TRAK1: variants seen among roughly 807,000 people sequenced by gnomAD.
TRAK1 encodes trafficking kinesin-binding protein 1.
A neutral mutation model predicts 92.1 loss-of-function variants in TRAK1; 33 were observed. The observed-to-expected ratio is 0.36, with a 90% confidence interval of 0.27 to 0.48. The LOEUF (loss-of-function observed/expected upper bound fraction) is 0.48. TRAK1 is among the 20% of genes least tolerant of loss of function. The pLI is 0.99. For missense variants in TRAK1, 1,123 were observed against 1,257.9 expected, an observed-to-expected ratio of 0.89 and a Z score of 1.62; for synonymous variants, 521 against 517.3, an observed-to-expected ratio of 1.01 and a Z score of -0.10.
At chr3:42,173,154 G>GA (rs762162189) in intron 2 of TRAK1, among the ~76,000 whole-genome samples, 3 of 151,292 alleles carry the variant, frequency 2.0e-5, no homozygotes, top group Non-Finnish European at 3.0e-5. Context: ...TCTAACAAAA[G>GA]AAAAAAAAAT....
intron 1 of TRAK1, among the ~76,000 whole-genome samples, chr3:42,067,273 TAC>T (rs755715211): frequency 6.6e-6 from 1 of 152,250 alleles, no homozygotes; most frequent in Non-Finnish European, 1.5e-5. Flanking sequence ...TTTTATGTGA[TAC>T]AGTTTGTTCT....
rs9875802 is a variant in TRAK1 at position 42,217,707 on chromosome 3, C to T, written c.1964-1787C>T. 684 of 985,380 alleles carry T rather than the reference C, an allele frequency of 6.9e-4. 2 individuals carry two copies. In the African/African-American group the frequency reaches 0.011, roughly 16 times the overall value. 61.0% of individuals were successfully genotyped at this position (985,380 alleles called of 1,614,324 possible). A position where few individuals can be genotyped will look rare whatever the true frequency, so the allele number is the denominator to read the frequency against. On this transcript the variant is annotated intron_variant, in intron 14 of 15. Coordinates refer to ENST00000327628, the MANE Select transcript of TRAK1 (RefSeq NM_001042646.3). The stretch of plus-strand genomic sequence containing the variant: ...AACTGTGTTGTCTTATTTCTATTTA[C>T]TGCTTTCCCCCTCTCCTCCTTCCCA...
At chr3:42,053,355 C>T (rs1344388523) in intron 1 of TRAK1, among the ~76,000 whole-genome samples, 1 of 114,038 alleles carries the variant, frequency 8.8e-6, no homozygotes, top group Non-Finnish European at 1.7e-5. Flanking sequence ...GAAAAGACTG[C>T]AGTCCCATTC....
chr3:42,216,796 C>T (rs1709745870), intron 14 of TRAK1, among the ~76,000 whole-genome samples: 1 of 152,196 alleles, frequency 6.6e-6, no homozygotes, highest in South Asian at 2.1e-4. Context: ...TGTTAATACT[C>T]TAACCCATTT....
intron 2 of TRAK1, chr3:42,145,746 T>C: frequency 5.4e-6 from 1 of 185,054 alleles, no homozygotes; most frequent in South Asian, 1.1e-4. Flanking sequence ...ACAATGAATA[T>C]TGCATATTGT....
At chr3:42,024,787 G>T (rs1046739171) in intron 1 of TRAK1, among the ~76,000 whole-genome samples, 1 of 152,152 alleles carries the variant, frequency 6.6e-6, no homozygotes, top group African/African-American at 2.4e-5. Context: ...GAAATGTGGC[G>T]TTCTTTGTCT....
intron 1 of TRAK1, among the ~76,000 whole-genome samples, chr3:42,049,041 T>C (rs1702874573): frequency 6.6e-6 from 1 of 151,970 alleles, no homozygotes; most frequent in Non-Finnish European, 1.5e-5. Flanking sequence ...GTGCCCACCA[T>C]CATGCCCAGG....
rs559153430 is a variant in TRAK1, at chr3:42,145,815, G to C, written c.286+20201G>C. On this transcript the variant is annotated intron_variant, in intron 2 of 15. Coordinates refer to ENST00000327628, the MANE Select transcript of TRAK1 (RefSeq NM_001042646.3). ...ATAAGCTAGTGGGCCTGCATGTTTA[G>C]TTGGGTCATAAGAAAGAACACACTC... The C allele has an allele frequency of 5.1e-5, 12 of 234,450 alleles. No homozygotes were observed. The East Asian group carries it at 9.6e-4, about 19-fold the overall frequency. The allele number at this position is 234,450 out of a possible 1,614,324, so 14.5% of individuals were successfully genotyped here.
At chr3:42,124,207 C>G (rs577690990) in intron 1 of TRAK1, among the ~76,000 whole-genome samples, 2 of 151,760 alleles carry the variant, frequency 1.3e-5, no homozygotes, top group Admixed American at 6.6e-5. Context: ...GTTGAAGAGT[C>G]ATTCCTAGAA....
At chr3:42,028,346 A>AT (rs1701996265) in intron 1 of TRAK1, among the ~76,000 whole-genome samples, 1 of 152,232 alleles carries the variant, frequency 6.6e-6, no homozygotes, top group Non-Finnish European at 1.5e-5. Context: ...TCCTGGCAGA[A>AT]TGGGGAGCTG....
At chr3:42,191,186 T>G (rs1705672361) in intron 6 of TRAK1, among the ~76,000 whole-genome samples, 1 of 152,184 alleles carries the variant, frequency 6.6e-6, no homozygotes. Flanking sequence ...GGTAGTGTCC[T>G]AGGCACTGTG....
intron 1 of TRAK1, among the ~76,000 whole-genome samples, chr3:42,061,063 A>G (rs1703419280): frequency 6.6e-6 from 1 of 152,170 alleles, no homozygotes. Flanking sequence ...CCTAAATGGT[A>G]TGCTTCAGGC....
At chr3:42,071,887 A>G (rs984503294) in intron 1 of TRAK1, among the ~76,000 whole-genome samples, 2 of 152,164 alleles carry the variant, frequency 1.3e-5, no homozygotes, top group African/African-American at 2.4e-5. Flanking sequence ...CTGGAGTCTC[A>G]GATTTCCAAC....
At chr3:42,121,596 C>T (rs1372749371) in intron 1 of TRAK1, among the ~76,000 whole-genome samples, 1 of 152,054 alleles carries the variant, frequency 6.6e-6, no homozygotes, top group Non-Finnish European at 1.5e-5. Context: ...GTTACGTTTA[C>T]CTGATGTCAG....
At chr3:42,068,286 G>A (rs1703767426) in intron 1 of TRAK1, among the ~76,000 whole-genome samples, 1 of 152,180 alleles carries the variant, frequency 6.6e-6, no homozygotes. Context: ...AGCCTTTCAA[G>A]TAGCTGGGAC....
At chr3:42,187,318 C>A (rs918826320) in intron 4 of TRAK1, among the ~76,000 whole-genome samples, 1 of 152,064 alleles carries the variant, frequency 6.6e-6, no homozygotes, top group Non-Finnish European at 1.5e-5. Flanking sequence ...TCTCCAGGAC[C>A]CTATTTGGAG....
chr3:42,162,007 A>G (rs1701330889), intron 2 of TRAK1, among the ~76,000 whole-genome samples: 1 of 152,206 alleles, frequency 6.6e-6, no homozygotes. Flanking sequence ...TGAGCTTGCT[A>G]GAAATGCAGA....
At chr3:42,122,053 A>G (rs978885304) in intron 1 of TRAK1, among the ~76,000 whole-genome samples, 2 of 151,506 alleles carry the variant, frequency 1.3e-5, no homozygotes, top group African/African-American at 4.9e-5. Context: ...CCTGACCTCA[A>G]GTGATCCACC....
At chr3:42,204,373 G>T (rs1708076752) in intron 13 of TRAK1, among the ~76,000 whole-genome samples, 1 of 152,246 alleles carries the variant, frequency 6.6e-6, no homozygotes, top group African/African-American at 2.4e-5. Flanking sequence ...TTAATTTTGT[G>T]ACTTGGCAGT....
Sources: allele counts gnomAD v4.1 joint callset (sites outside exome capture counted in the v4.1 genomes callset), GRCh38; gene constraint gnomAD v4.1.1; transcripts MANE v1.5; gene names NCBI Gene and HGNC (gene_info 2026-07-23, HGNC 2026-07-21).